Variants in GRM8 observed in about 807,000 individuals in gnomAD.
The protein encoded by GRM8 is metabotropic glutamate receptor 8.
GRM8 carries 47 observed loss-of-function variants against 87.2 expected under a neutral mutation model. The ratio of observed to expected loss-of-function variants is 0.54; its 90% CI spans 0.43 to 0.69. The LOEUF is 0.69. GRM8 is among the 30% of genes least tolerant of loss of function. The pLI is 0.00. For synonymous variants in GRM8, 396 were observed against 404.5 expected (o/e 0.98, Z 0.25); for missense variants, 1,019 against 1,139.2 (o/e 0.89, Z 1.52).
At chr7:127,121,316 G>T (rs532898987) in intron 2 of GRM8, among the ~76,000 whole-genome samples, 1 of 152,278 alleles carries the variant, frequency 6.6e-6, no homozygotes, top group East Asian at 1.9e-4. Flanking sequence ...AAGGTTTGAG[G>T]AGGAGGAATT....
chr7:126,712,559 A>G (rs755268014), intron 7 of GRM8, among the ~76,000 whole-genome samples: 5 of 152,182 alleles, frequency 3.3e-5, no homozygotes, highest in Admixed American at 1.3e-4. Flanking sequence ...AAAACATGGT[A>G]CACCAAAAGC....
intron 6 of GRM8, among the ~76,000 whole-genome samples, chr7:126,877,209 C>T (rs186976851): frequency 3.3e-5 from 5 of 152,076 alleles, no homozygotes; most frequent in Non-Finnish European, 7.4e-5. Context: ...CCTTCATAAA[C>T]GTATTCTTTT....
intron 6 of GRM8, among the ~76,000 whole-genome samples, chr7:126,858,994 C>G (rs914079959): frequency 2.0e-5 from 3 of 152,020 alleles, no homozygotes; most frequent in African/African-American, 7.3e-5. Context: ...CCCCCCACCC[C>G]ACACACACCA....
chr7:126,798,105 G>A (rs888768521), intron 6 of GRM8, among the ~76,000 whole-genome samples: 2 of 151,978 alleles, frequency 1.3e-5, no homozygotes, highest in African/African-American at 2.4e-5. Context: ...ATATTTACAC[G>A]TTGCCAAGTC....
chr7:126,806,477 G>C lies in GRM8; in HGVS notation c.1157-36412C>G, dbSNP rs115777745. Among the ~76,000 whole-genome samples, 767 of 152,360 alleles carry C rather than the reference G, an allele frequency of 5.0e-3. 9 individuals are homozygous for C. The highest frequency in any genetic ancestry group is 0.018 in the African/African-American group (733 of 41,586). ...TTGTGGCTGCTTGCGCAGCTGGCCT[G>C]CTTTTATTCCCCTATCTGGCCCCAC... On this transcript the variant is annotated intron_variant, in intron 6 of 10. Coordinates refer to ENST00000339582, the MANE Select transcript of GRM8 (RefSeq NM_000845.3).
intron 9 of GRM8, among the ~76,000 whole-genome samples, chr7:126,482,833 G>GA (rs1026661759): frequency 2.6e-5 from 4 of 151,688 alleles, no homozygotes; most frequent in South Asian, 2.1e-4. Context: ...TTAAAAAATA[G>GA]AAAAAAATTT....
chr7:126,449,043 G>C (rs550447638), intron 9 of GRM8, among the ~76,000 whole-genome samples: 1 of 151,840 alleles, frequency 6.6e-6, no homozygotes, highest in African/African-American at 2.4e-5. Flanking sequence ...TAAAATAAAA[G>C]TTAAAGAAAT....
intron 2 of GRM8, among the ~76,000 whole-genome samples, chr7:127,199,641 C>T (rs1795483626): frequency 6.6e-6 from 1 of 152,196 alleles, no homozygotes; most frequent in South Asian, 2.1e-4. Context: ...GACAAGATTT[C>T]TTTTCATTTC....
In GRM8 at chr7:126,559,238, C is replaced by T. The variant is rs542278298; in HGVS notation, c.1495-25351G>A. Among the ~76,000 whole-genome samples, 87 of 151,236 alleles carry T rather than the reference C, an allele frequency of 5.8e-4. 1 individual carries two copies. The East Asian group carries it at 0.013, about 22-fold the overall frequency. ...TGCGATCTCGGCTCACTGCAACCTC[C>T]GCCTCCTGGGTTCAAGTGATTCTCA... is the stretch of plus-strand genomic sequence containing the variant. On this transcript the variant is annotated intron_variant, in intron 8 of 10. Coordinates refer to ENST00000339582, the MANE Select transcript of GRM8 (RefSeq NM_000845.3).
intron 7 of GRM8, among the ~76,000 whole-genome samples, chr7:126,672,318 C>G (rs912298577): frequency 1.3e-5 from 2 of 152,166 alleles, no homozygotes; most frequent in Non-Finnish European, 2.9e-5. Flanking sequence ...AGAGGATGCT[C>G]TTCCCTCTCT....
chr7:126,515,221 C>G (rs1389106332), intron 9 of GRM8, among the ~76,000 whole-genome samples: 1 of 151,996 alleles, frequency 6.6e-6, no homozygotes, highest in Non-Finnish European at 1.5e-5. Context: ...ATTTACTATA[C>G]ACATGATCAA....
intron 6 of GRM8, among the ~76,000 whole-genome samples, chr7:126,800,688 T>C (rs1021142904): frequency 6.6e-6 from 1 of 152,132 alleles, no homozygotes; most frequent in African/African-American, 2.4e-5. Flanking sequence ...GTTCAATCCT[T>C]TTCTCAAATG....
chr7:127,070,947 A>C (rs190294317), intron 3 of GRM8, among the ~76,000 whole-genome samples: 1 of 152,324 alleles, frequency 6.6e-6, no homozygotes, highest in African/African-American at 2.4e-5. Flanking sequence ...ATTCTGAAAC[A>C]GGCCATTTCA....
At position 126,474,268 on chromosome 7, in the gene GRM8, G is replaced by GTGTGTGTA. The variant is rs1554444586; in HGVS notation, c.2431-27897_2431-27896insTACACACA. ...TTTGTGCATGTGTGTGTGTGTGTGT[G>GTGTGTGTA]TATATATATATATATTTGGAGACAG... is the stretch of plus-strand genomic sequence containing the variant. On this transcript the variant is annotated intron_variant, in intron 9 of 10. Coordinates refer to ENST00000339582, the MANE Select transcript of GRM8 (RefSeq NM_000845.3). 4.7e-5 allele frequency among the ~76,000 whole-genome samples: 7 copies of GTGTGTGTA among 150,298 alleles called. No homozygotes were observed. The South Asian group carries it at 6.3e-4, about 14-fold the overall frequency.
intron 3 of GRM8, among the ~76,000 whole-genome samples, chr7:127,038,727 G>A (rs1218653981): frequency 2.6e-5 from 4 of 152,124 alleles, no homozygotes; most frequent in Non-Finnish European, 5.9e-5. Flanking sequence ...CTCCACCAGT[G>A]AATGACATAC....
chr7:127,043,160 G>A (rs1251957419), intron 3 of GRM8, among the ~76,000 whole-genome samples: 1 of 152,242 alleles, frequency 6.6e-6, no homozygotes, highest in Non-Finnish European at 1.5e-5. Context: ...CTTTTACACT[G>A]TTGGTGGGAC....
chr7:126,942,539 C>T (rs764605576), intron 3 of GRM8, among the ~76,000 whole-genome samples: 4 of 152,150 alleles, frequency 2.6e-5, no homozygotes, highest in African/African-American at 4.8e-5. Flanking sequence ...TGGATGTGGA[C>T]GTTTGCTCTG....
At chr7:126,662,255 A>T (rs1188253328) in intron 7 of GRM8, among the ~76,000 whole-genome samples, 1 of 152,220 alleles carries the variant, frequency 6.6e-6, no homozygotes, top group African/African-American at 2.4e-5. Context: ...GCAATTTTTC[A>T]AATTAAGTCT....
chr7:126,486,438 G>A lies in GRM8; in HGVS notation c.2431-40066C>T, dbSNP rs530429706. ...TGAATATGTTTACTTGGCCAACCTT[G>A]TCAGCATATATCCCTGTTCCACTCT... On this transcript the variant is annotated intron_variant, in intron 9 of 10. Transcript: ENST00000339582. 5.3e-5 allele frequency among the ~76,000 whole-genome samples: 8 copies of A among 152,054 alleles called. No homozygotes were observed. In the South Asian group the frequency reaches 1.7e-3, roughly 32 times the overall value.
Sources: gnomAD v4.1 joint callset for allele counts (sites outside exome capture counted in the v4.1 genomes callset) on GRCh38, gnomAD v4.1.1 for gene constraint, MANE v1.5 for transcripts, NCBI Gene and HGNC (gene_info 2026-07-23, HGNC 2026-07-21) for gene names.